Variants in AGFG1 observed in about 807,000 individuals in gnomAD.
AGFG1 encodes ArfGAP with FG repeats 1.
Under a neutral mutation model 60.6 loss-of-function variants are expected in AGFG1, and 10 were observed. The observed-to-expected ratio is 0.16, with a 90% confidence interval of 0.10 to 0.28. AGFG1 has a LOEUF of 0.28. AGFG1 is among the 10% of genes least tolerant of loss of function. The probability of loss-of-function intolerance (pLI) is 1.00; values close to 1 mark genes in which losing one functional copy is unlikely to be tolerated. For missense variants in AGFG1, 537 were observed against 676.5 expected (o/e 0.79, Z 2.29); for synonymous variants, 247 against 242.9 (o/e 1.02, Z -0.16).
At chr2:227,493,008 T>C (rs1690864459) in intron 2 of AGFG1, among the ~76,000 whole-genome samples, 1 of 152,168 alleles carries the variant, frequency 6.6e-6, no homozygotes. Context: ...TATTATTCTA[T>C]CTTTAGATTA....
At chr2:227,476,305 A>G (rs925194589) in intron 1 of AGFG1, among the ~76,000 whole-genome samples, 3 of 152,224 alleles carry the variant, frequency 2.0e-5, no homozygotes, top group African/African-American at 7.2e-5. Context: ...CATTTAAAAT[A>G]TAGCCAACAG....
chr2:227,506,976 T>C (rs1158414904), intron 2 of AGFG1, among the ~76,000 whole-genome samples: 1 of 152,158 alleles, frequency 6.6e-6, no homozygotes, highest in Non-Finnish European at 1.5e-5. Context: ...CACTATTTCA[T>C]AGGTTGTGTG....
intron 2 of AGFG1, among the ~76,000 whole-genome samples, chr2:227,502,107 C>T (rs563869988): frequency 1.8e-4 from 27 of 152,274 alleles, no homozygotes; most frequent in Admixed American, 1.6e-3. Context: ...ATCCACCTGT[C>T]TTGGCCTCCC....
chr2:227,507,602 C>CAAAAAAAAAAAAAA, intron 2 of AGFG1, among the ~76,000 whole-genome samples: 1 of 61,600 alleles, frequency 1.6e-5, no homozygotes, highest in Non-Finnish European at 3.0e-5. Context: ...GACTCTGTCT[C>CAAAAAAAAAAAAAA]AAAAAAAAAA....
intron 10 of AGFG1, among the ~76,000 whole-genome samples, chr2:227,538,851 TATAAG>T (rs1393104724): frequency 2.6e-5 from 4 of 152,196 alleles, no homozygotes; most frequent in Admixed American, 6.5e-5. Context: ...GTGCAGATGA[TATAAG>T]ATAATTCTAG....
At chr2:227,513,668 A>C (rs1041562186) in intron 2 of AGFG1, among the ~76,000 whole-genome samples, 4 of 152,326 alleles carry the variant, frequency 2.6e-5, no homozygotes, top group Middle Eastern at 3.4e-3. Flanking sequence ...ACTTCCTTCA[A>C]ATTATCCAAA....
intron 5 of AGFG1, among the ~76,000 whole-genome samples, chr2:227,525,431 C>T (rs1691964767): frequency 6.6e-6 from 1 of 152,122 alleles, no homozygotes; most frequent in Non-Finnish European, 1.5e-5. Flanking sequence ...TTCAAATGTT[C>T]ATTATAGTTC....
intron 10 of AGFG1, among the ~76,000 whole-genome samples, chr2:227,545,506 G>A (rs993684660): frequency 1.3e-5 from 2 of 152,200 alleles, no homozygotes; most frequent in African/African-American, 4.8e-5. Flanking sequence ...TTCCATTGCT[G>A]GCGAGGAGCT....
chr2:227,552,142 G>A, intron 11 of AGFG1, 25 bp downstream of exon 11: 1 of 1,613,566 alleles, frequency 6.2e-7, no homozygotes, highest in Non-Finnish European at 8.5e-7. Context: ...TTGGCGAGCT[G>A]TAAGTTCATT....
At chr2:227,537,891 TTTGTCA>T (rs1344378857) in intron 10 of AGFG1, among the ~76,000 whole-genome samples, 1 of 152,192 alleles carries the variant, frequency 6.6e-6, no homozygotes, top group Non-Finnish European at 1.5e-5. Context: ...AGTAAATCTC[TTTGTCA>T]TTGACAAGAT....
In AGFG1 at chr2:227,552,136, C is replaced by A. The variant is rs778684239; in HGVS notation, c.1537+19C>A. ...CCCAATGGTAAGATCTAACATTTGG[C>A]GAGCTGTAAGTTCATTTTATGTATC... is the stretch of plus-strand genomic sequence containing the variant. On this transcript the variant is annotated intron_variant, in intron 11 of 12. Coordinates refer to ENST00000310078, the MANE Select transcript of AGFG1 (RefSeq NM_004504.5). 7.4e-6 allele frequency: 12 copies of A among 1,613,728 alleles called. No homozygotes were observed. The highest frequency in any genetic ancestry group is 9.3e-6 in the Non-Finnish European group (11 of 1,179,758).
intron 11 of AGFG1, 102 bp downstream of exon 11, chr2:227,552,219 A>G: frequency 7.5e-7 from 1 of 1,341,328 alleles, no homozygotes; most frequent in South Asian, 1.5e-5. Flanking sequence ...AGAATACTAT[A>G]GTATTATCTA....
intron 5 of AGFG1, among the ~76,000 whole-genome samples, chr2:227,530,237 A>G (rs1045273327): frequency 1.4e-4 from 22 of 152,174 alleles, no homozygotes; most frequent in African/African-American, 5.3e-4. Flanking sequence ...ATTTCTTTGT[A>G]CAGAGATTGC....
At chr2:227,498,162 C>T (rs1691041282) in intron 2 of AGFG1, among the ~76,000 whole-genome samples, 1 of 151,030 alleles carries the variant, frequency 6.6e-6, no homozygotes, top group Non-Finnish European at 1.5e-5. Flanking sequence ...AATTTTTTTC[C>T]CCAGGTTTGG....
intron 1 of AGFG1, among the ~76,000 whole-genome samples, chr2:227,484,713 T>G (rs1308213122): frequency 8.6e-6 from 1 of 115,870 alleles, no homozygotes; most frequent in Non-Finnish European, 1.8e-5. Flanking sequence ...TTTTTTTTTT[T>G]TTTTTTTTGA....
chr2:227,502,156 C>A (rs1225632252), intron 2 of AGFG1, among the ~76,000 whole-genome samples: 3 of 152,150 alleles, frequency 2.0e-5, no homozygotes, highest in Non-Finnish European at 4.4e-5. Flanking sequence ...CAGTGCCCAA[C>A]CAAAGTAAAC....
chr2:227,522,870 C>T (rs1289542088), intron 3 of AGFG1, among the ~76,000 whole-genome samples: 2 of 152,226 alleles, frequency 1.3e-5, no homozygotes, highest in African/African-American at 4.8e-5. Context: ...CTCGCCTCCT[C>T]ACATAAATCA....
intron 8 of AGFG1, 119 bp from the exon 9 acceptor site, chr2:227,536,506 T>C (rs1692317958): frequency 1.5e-6 from 1 of 689,570 alleles, no homozygotes; most frequent in Non-Finnish European, 2.5e-6. Context: ...TTAATTTTCT[T>C]TGTGTTGATA....
At chr2:227,545,117 T>C (rs1417245035) in intron 10 of AGFG1, among the ~76,000 whole-genome samples, 1 of 152,222 alleles carries the variant, frequency 6.6e-6, no homozygotes, top group Admixed American at 6.5e-5. Flanking sequence ...GATTTGGTCT[T>C]TTCACATAGT....
Sources: gnomAD v4.1 joint callset for allele counts (sites outside exome capture counted in the v4.1 genomes callset) on GRCh38, gnomAD v4.1.1 for gene constraint, MANE v1.5 for transcripts, NCBI Gene and HGNC (gene_info 2026-07-23, HGNC 2026-07-21) for gene names.